The following RAP1GAP2 variants were observed in gnomAD, a reference collection of about 807,000 sequenced individuals.
The protein encoded by RAP1GAP2 is rap1 GTPase-activating protein 2.
RAP1GAP2 carries 27 observed loss-of-function variants against 95.0 expected under a neutral mutation model. The observed-to-expected ratio is 0.28, with a 90% CI of 0.21 to 0.39. RAP1GAP2 has a LOEUF of 0.39. RAP1GAP2 is among the 10% of genes least tolerant of loss of function. The probability of loss-of-function intolerance (pLI) is 1.00; values close to 1 mark genes in which losing one functional copy is unlikely to be tolerated. For missense variants in RAP1GAP2, 771 were observed against 970.0 expected (o/e 0.79, Z 2.72); for synonymous variants, 373 against 380.9 (o/e 0.98, Z 0.24).
chr17:2,947,926 G>A (rs773116523), intron 3 of RAP1GAP2, among the ~76,000 whole-genome samples: 1 of 152,030 alleles, frequency 6.6e-6, no homozygotes, highest in African/African-American at 2.4e-5. Context: ...TTTCTGGCCC[G>A]CATCTCCCCC....
At chr17:2,844,219 G>A (rs1033347450) in intron 2 of RAP1GAP2, among the ~76,000 whole-genome samples, 1 of 151,828 alleles carries the variant, frequency 6.6e-6, no homozygotes, top group South Asian at 2.1e-4. Context: ...ATGGTGTTTC[G>A]CCATTTTAAC....
At chr17:2,913,700 G>T (rs2042467845) in intron 3 of RAP1GAP2, among the ~76,000 whole-genome samples, 1 of 152,118 alleles carries the variant, frequency 6.6e-6, no homozygotes, top group South Asian at 2.1e-4. Context: ...TAATTGTATT[G>T]TATACTTTGA....
At chr17:2,833,280 T>C (rs1280912493) in intron 2 of RAP1GAP2, among the ~76,000 whole-genome samples, 1 of 151,026 alleles carries the variant, frequency 6.6e-6, no homozygotes, top group Non-Finnish European at 1.5e-5. Flanking sequence ...GTAGCTGGGA[T>C]TACAGGCACA....
chr17:2,777,382 C>A (rs989020858), intron 1 of RAP1GAP2: 1 of 152,242 alleles, frequency 6.6e-6, no homozygotes, highest in Admixed American at 6.5e-5. Flanking sequence ...ATCCTCGCTC[C>A]AGCCTGTGCC....
rs35321854 is a variant in RAP1GAP2 at position 2,950,061 on chromosome 17, C to CTT, written c.166-7689_166-7688dup. ...TTCTTTTCTTCTTCTTCTTCTTCTT[C>CTT]TTTTTTTTTTGAGATGGAGTCTTGC... On this transcript the variant is annotated intron_variant, in intron 3 of 24. Coordinates refer to ENST00000254695, the MANE Select transcript of RAP1GAP2 (RefSeq NM_015085.5). 7.1e-4 allele frequency among the ~76,000 whole-genome samples: 100 copies of CTT among 141,128 alleles called. 1 individual carries two copies. The highest frequency in any genetic ancestry group is 3.6e-3 in the Middle Eastern group (1 of 276). The allele number at this position is 141,128 out of a possible 152,430, so 92.6% of individuals were successfully genotyped here.
rs192908411 is a variant in RAP1GAP2 at position 2,983,043 on chromosome 17, G to A, written c.729+1795G>A. On this transcript the variant is annotated intron_variant, in intron 10 of 24. Coordinates refer to ENST00000254695, the MANE Select transcript of RAP1GAP2 (RefSeq NM_015085.5). ...AGGCAGGAGTGGAGGCTCCAGGGTCGGGCAGCAGCGCCGTCGCTGGGGGAG... is the reference window on the plus strand; with the variant it reads ...AGGCAGGAGTGGAGGCTCCAGGGTCAGGCAGCAGCGCCGTCGCTGGGGGAG... 1.9e-3 allele frequency among the ~76,000 whole-genome samples: 295 copies of A among 152,316 alleles called. 1 individual carries two copies. Among genetic ancestry groups the A allele is most frequent in the African/African-American group, 6.6e-3 (273 of 41,562 alleles).
chr17:2,934,901 A>G (rs2043256060), intron 3 of RAP1GAP2, among the ~76,000 whole-genome samples: 1 of 152,168 alleles, frequency 6.6e-6, no homozygotes, highest in Admixed American at 6.5e-5. Context: ...TTCGTGTGAA[A>G]CAGAATATGA....
intron 2 of RAP1GAP2, among the ~76,000 whole-genome samples, chr17:2,853,524 A>C (rs1353533279): frequency 3.4e-5 from 5 of 145,750 alleles, no homozygotes; most frequent in African/African-American, 1.3e-4. Flanking sequence ...GAGGGGAGGC[A>C]GGGCCGGGGC....
intron 23 of RAP1GAP2, among the ~76,000 whole-genome samples, chr17:3,031,555 G>T (rs1597919363): frequency 6.7e-6 from 1 of 148,410 alleles, no homozygotes; most frequent in African/African-American, 2.5e-5. Context: ...CCAGATGTGA[G>T]GTGGGAAGGG....
At position 2,822,292 on chromosome 17, in the gene RAP1GAP2, C is replaced by T. The variant is rs371770930; in HGVS notation, c.80+21742C>T. On this transcript the variant is annotated intron_variant, in intron 2 of 24. Transcript: ENST00000254695. Reference sequence around the variant, plus strand: ...GAAACAGTTCCCCAAAAGGCACAAACACGGTCTTTGCCGATTGCCATTATA... The same window carrying T: ...GAAACAGTTCCCCAAAAGGCACAAATACGGTCTTTGCCGATTGCCATTATA... 5.9e-5 allele frequency among the ~76,000 whole-genome samples: 9 copies of T among 152,308 alleles called. No individual in the cohort carries two copies. The East Asian group carries it at 1.7e-3, about 29-fold the overall frequency.
chr17:2,884,928 C>G (rs2073431778), intron 2 of RAP1GAP2, among the ~76,000 whole-genome samples: 1 of 152,154 alleles, frequency 6.6e-6, no homozygotes, highest in Non-Finnish European at 1.5e-5. Flanking sequence ...GGAATGCTGC[C>G]CTTGACCCTG....
chr17:2,915,416 G>A (rs1015081296), intron 3 of RAP1GAP2, among the ~76,000 whole-genome samples: 2 of 151,744 alleles, frequency 1.3e-5, no homozygotes, highest in African/African-American at 4.8e-5. Flanking sequence ...TTTTTTGTAG[G>A]GAGAGACAGG....
intron 1 of RAP1GAP2, among the ~76,000 whole-genome samples, chr17:2,761,293 T>TC (rs1421539307): frequency 1.4e-5 from 2 of 146,462 alleles, no homozygotes; most frequent in East Asian, 4.0e-4. Flanking sequence ...TTTTTTCTTT[T>TC]TTTTTTTTTT....
chr17:2,941,948 G>A (rs1296018499), intron 3 of RAP1GAP2, among the ~76,000 whole-genome samples: 1 of 152,192 alleles, frequency 6.6e-6, no homozygotes, highest in South Asian at 2.1e-4. Flanking sequence ...CTCCCAAAGT[G>A]CTGGGATGAC....
At chr17:2,994,557 C>T (rs2045888810) in intron 12 of RAP1GAP2, among the ~76,000 whole-genome samples, 1 of 152,216 alleles carries the variant, frequency 6.6e-6, no homozygotes, top group Admixed American at 6.5e-5. Flanking sequence ...CATCTGCCAC[C>T]TCTTCTGACT....
At chr17:2,984,860 G>A in intron 10 of RAP1GAP2, 123 bp from the exon 11 acceptor site, 1 of 1,498,992 alleles carries the variant, frequency 6.7e-7, no homozygotes, top group Non-Finnish European at 8.9e-7. Flanking sequence ...CTCCGTGTAT[G>A]TGGATGTTTC....
At chr17:2,934,200 C>T (rs144056660) in intron 3 of RAP1GAP2, among the ~76,000 whole-genome samples, 2,313 of 152,286 alleles carry the variant, frequency 0.015, 43 homozygotes, top group African/African-American at 0.045. Context: ...GGCACGATCT[C>T]GGCTCACTGC....
At chr17:2,916,357 G>A (rs2042567302) in intron 3 of RAP1GAP2, among the ~76,000 whole-genome samples, 1 of 152,208 alleles carries the variant, frequency 6.6e-6, no homozygotes, top group Admixed American at 6.5e-5. Flanking sequence ...CGTGGTCTCA[G>A]AATCCTGTTC....
chr17:3,024,993 C>G (rs1044472549), intron 19 of RAP1GAP2, among the ~76,000 whole-genome samples: 2 of 152,144 alleles, frequency 1.3e-5, no homozygotes, highest in Non-Finnish European at 2.9e-5. Flanking sequence ...TTGCACAACT[C>G]TGAATAAACT....
Sources: gnomAD v4.1 joint callset for allele counts (sites outside exome capture counted in the v4.1 genomes callset) on GRCh38, gnomAD v4.1.1 for gene constraint, MANE v1.5 for transcripts, NCBI Gene and HGNC (gene_info 2026-07-23, HGNC 2026-07-21) for gene names.